Variants in DCX observed in about 807,000 individuals in gnomAD.
DCX encodes doublecortin.
A neutral mutation model predicts 20.9 loss-of-function variants in DCX; 4 were observed. The ratio of observed to expected loss-of-function variants is 0.19; its 90% confidence interval spans 0.09 to 0.44. The LOEUF is 0.44. Ranked by LOEUF, DCX falls within the 20% of genes least tolerant of loss-of-function variation. DCX has a pLI of 0.99. For synonymous variants in DCX, 103 were observed against 111.4 expected (o/e 0.92, Z 0.47); for missense variants, 133 against 296.9 (o/e 0.45, Z 4.06).
intron 3 of DCX, among the ~76,000 whole-genome samples, chrX:111,336,620 G>A (rs930377645): frequency 3.6e-5 from 4 of 112,011 alleles, no homozygotes; most frequent in South Asian, 3.8e-4. Context: ...AAAGTGTCCC[G>A]AAGATACACA....
chrX:111,356,263 A>G (rs1032108278), intron 3 of DCX, among the ~76,000 whole-genome samples: 4 of 112,413 alleles, frequency 3.6e-5, no homozygotes, highest in African/African-American at 1.3e-4. Flanking sequence ...AGGAGTGGGC[A>G]TGGCCTGGGT....
Position 111,312,703 on chromosome X carries a change from G to A in DCX, c.980C>T (p.Pro327Leu). 1 of 1,211,763 alleles carries A rather than the reference G, an allele frequency of 8.3e-7. No homozygotes were observed. The highest frequency in any genetic ancestry group is 3.0e-5 in the East Asian group (1 of 33,840). Residue 327 changes from proline (P) to leucine (L), a missense_variant, in exon 6 of 7, where the codon CCC becomes CTC. This residue lies in a region of DCX where 68 missense variants were observed against 84.3 expected (regional missense o/e 0.81). Coordinates refer to ENST00000636035, the MANE Select transcript of DCX (RefSeq NM_001195553.2). ...AGAGATGGGAGACTGCTTAGACTTG[G>A]GGGTAGAGAGCTGGCTGCTGGAGGT... ...NGTSSSQLST[P>L]KSKQSPISTP...
intron 5 of DCX, among the ~76,000 whole-genome samples, chrX:111,323,603 G>GTTTTT (rs780794851): frequency 1.7e-4 from 9 of 52,166 alleles, no homozygotes; most frequent in African/African-American, 4.4e-4. Flanking sequence ...TATTATTTCT[G>GTTTTT]TTTTTTTTTT....
chrX:111,372,442 C>T (rs1378563919), intron 3 of DCX, among the ~76,000 whole-genome samples: 1 of 111,898 alleles, frequency 8.9e-6, no homozygotes. Flanking sequence ...CATTATGCTA[C>T]CCTTCCTCCT....
At chrX:111,384,876 T>C (rs1207017607) in intron 3 of DCX, among the ~76,000 whole-genome samples, 1 of 112,523 alleles carries the variant, frequency 8.9e-6, no homozygotes, top group Non-Finnish European at 1.9e-5. Flanking sequence ...GTGCACAGAA[T>C]GTTTGCATTG....
At position 111,410,038 on chromosome X, in the gene DCX, C is replaced by T; in HGVS notation, c.361G>A (p.Glu121Lys). ...CACCACCCACTATTTAAATTACCTT[C>T]CTCCAGTTCATCCATGCTTCCGATC... ...RKIGSMDELE[E>K]GESYVCSSDN... The change falls in exon 2 of 7, where the codon GAA becomes AAA. Residue 121 changes from glutamate (E) to lysine (K), a missense_variant. By Grantham distance (56) the Glu-to-Lys change is moderately conservative. Coordinates refer to ENST00000636035, the MANE Select transcript of DCX (RefSeq NM_001195553.2). The T allele has an allele frequency of 2.5e-6, 3 of 1,211,680 alleles. No homozygotes were observed. The highest frequency in any genetic ancestry group is 3.4e-6 in the Non-Finnish European group (3 of 895,474).
rs1414434240 is a variant in DCX, at chrX:111,300,542, TA to T, written c.*1144del. The T allele has an allele frequency of 8.9e-6, 1 of 112,120 alleles. No individual in the cohort carries two copies. Among genetic ancestry groups the T allele is most frequent in the East Asian group, 2.8e-4 (1 of 3,581 alleles). 9.2% of individuals were successfully genotyped at this position (112,120 alleles called of 1,213,427 possible). ...CTGATTCTATTGAATTGGCCTCTGC[TA>T]TTCATCTTGTTTTCTCCTGGAGGTT... On this transcript the variant is annotated 3_prime_UTR_variant, in exon 7 of 7. Transcript: ENST00000636035.
At chrX:111,316,455 C>T (rs2095072523) in intron 5 of DCX, among the ~76,000 whole-genome samples, 1 of 111,161 alleles carries the variant, frequency 9.0e-6, no homozygotes, top group African/African-American at 3.3e-5. Context: ...TGATCTCGAT[C>T]TCTTGACCTC....
At chrX:111,377,131 G>A (rs775788313) in intron 3 of DCX, among the ~76,000 whole-genome samples, 6 of 111,374 alleles carry the variant, frequency 5.4e-5, no homozygotes, top group Non-Finnish European at 9.4e-5. Context: ...AGCCTGACAA[G>A]CTTGTTGGGG....
At chrX:111,408,623 G>GA (rs1928403454) in intron 2 of DCX, among the ~76,000 whole-genome samples, 2 of 91,296 alleles carry the variant, frequency 2.2e-5, no homozygotes, top group Non-Finnish European at 4.3e-5. Flanking sequence ...AAGAAAGAAA[G>GA]AAAGAAAAGA....
chrX:111,325,396 T>TA (rs1368097293), intron 5 of DCX, among the ~76,000 whole-genome samples: 1 of 111,236 alleles, frequency 9.0e-6, no homozygotes, highest in Non-Finnish European at 1.9e-5. Flanking sequence ...GGCTCTTGGG[T>TA]GCTAAGTAAT....
chrX:111,354,303 C>A, intron 3 of DCX, among the ~76,000 whole-genome samples: 1 of 111,356 alleles, frequency 9.0e-6, no homozygotes, highest in Non-Finnish European at 1.9e-5. Context: ...TTTGAATCAC[C>A]CTTTGTATGT....
At chrX:111,370,953 A>G (rs1480888614) in intron 3 of DCX, among the ~76,000 whole-genome samples, 2 of 111,827 alleles carry the variant, frequency 1.8e-5, no homozygotes, top group African/African-American at 3.2e-5. Flanking sequence ...TTCTACAATT[A>G]ACATTTGCTA....
Position 111,401,161 on chromosome X carries a change from G to A in DCX, c.534C>T (p.Arg178=), listed in dbSNP as rs1233974245. 4 of 1,211,474 alleles carry A rather than the reference G, an allele frequency of 3.3e-6. No homozygotes were observed. Among genetic ancestry groups the A allele is most frequent in the Non-Finnish European group, 4.5e-6 (4 of 895,460 alleles). The part of the protein sequence containing the change: ...AQARENKDFV[R]PKLVTIIRSG... ...TGCGGATGATGGTAACCAGCTTGGGGCGCACAAAGTCCTTGTTCTCCCTGG... is the reference window on the plus strand; with the variant it reads ...TGCGGATGATGGTAACCAGCTTGGGACGCACAAAGTCCTTGTTCTCCCTGG... The change falls in exon 3 of 7, where the codon CGC becomes CGT. Residue 178 remains arginine (R), a synonymous_variant. Transcript: ENST00000636035.
intron 5 of DCX, among the ~76,000 whole-genome samples, chrX:111,319,341 G>A (rs1437731488): frequency 2.7e-5 from 3 of 111,195 alleles, no homozygotes; most frequent in East Asian, 2.8e-4. Context: ...CTAAGGCCAC[G>A]GGGGAGGGAG....
intron 3 of DCX, among the ~76,000 whole-genome samples, chrX:111,390,185 C>T (rs1335432924): frequency 9.0e-6 from 1 of 111,450 alleles, no homozygotes; most frequent in Non-Finnish European, 1.9e-5. Flanking sequence ...TGTGGGTAAC[C>T]TTTAGAAGCT....
chrX:111,385,911 T>C (rs1028523169), intron 3 of DCX, among the ~76,000 whole-genome samples: 3 of 111,218 alleles, frequency 2.7e-5, no homozygotes, highest in Non-Finnish European at 5.7e-5. Flanking sequence ...TAATCAGCCT[T>C]AATTCTTTCT....
At chrX:111,339,408 G>A (rs1479637898) in intron 3 of DCX, among the ~76,000 whole-genome samples, 1 of 111,086 alleles carries the variant, frequency 9.0e-6, no homozygotes, top group African/African-American at 3.3e-5. Context: ...AAGAGAAAGT[G>A]AGACCTGAGC....
At chrX:111,334,136 G>A (rs998214948) in intron 3 of DCX, among the ~76,000 whole-genome samples, 1 of 112,489 alleles carries the variant, frequency 8.9e-6, no homozygotes, top group African/African-American at 3.2e-5. Flanking sequence ...CTTGCTGGGT[G>A]CAGAGAGCAA....
Sources: allele counts gnomAD v4.1 joint callset (sites outside exome capture counted in the v4.1 genomes callset), GRCh38; gene constraint gnomAD v4.1.1; regional missense constraint gnomAD v4.1.1; transcripts MANE v1.5; gene names NCBI Gene and HGNC (gene_info 2026-07-23, HGNC 2026-07-21).